Variants in NPY2R observed in about 807,000 individuals in gnomAD.
The protein encoded by NPY2R is neuropeptide Y receptor type 2.
NPY2R carries 17 observed loss-of-function variants against 22.3 expected under a neutral mutation model. That is an observed-to-expected ratio of 0.76 (90% CI 0.52 to 1.14). The LOEUF (loss-of-function observed/expected upper bound fraction) is 1.14, where lower values mean the gene tolerates loss of function less well. Among genes scored for constraint, NPY2R ranks in the 50% most tolerant of loss-of-function variants. NPY2R has a pLI of 0.00. For missense variants in NPY2R, 424 were observed against 467.9 expected (o/e 0.91, Z 0.87); for synonymous variants, 209 against 183.4 (o/e 1.14, Z -1.13).
At chr4:155,205,138 T>G (rs1318817158), upstream of NPY2R, among the ~76,000 whole-genome samples, 1 of 152,164 alleles carries the variant, frequency 6.6e-6, no homozygotes, top group Non-Finnish European at 1.5e-5. Flanking sequence ...CTCAATAAAA[T>G]TTAAAATTTC....
At chr4:155,201,989 T>C in the NPY2R span, among the ~76,000 whole-genome samples, 1 of 152,182 alleles carries the variant, frequency 6.6e-6, no homozygotes, top group Non-Finnish European at 1.5e-5. Context: ...CTTTAATTTA[T>C]CAATTAAATA....
At chr4:155,178,724 T>A in the NPY2R span, among the ~76,000 whole-genome samples, 71,126 of 151,600 alleles carry the variant, frequency 0.47, 17,311 homozygotes, top group East Asian at 0.69. Context: ...ATAAATAGAA[T>A]GCTTTATATT....
upstream of NPY2R, chr4:155,206,444 T>G (rs1051275054): frequency 6.6e-6 from 1 of 152,256 alleles, no homozygotes; most frequent in African/African-American, 2.4e-5. Context: ...TAGACTGTGA[T>G]GCACAAAAGT....
At chr4:155,210,159 C>G (rs550831939) in intron 1 of NPY2R, among the ~76,000 whole-genome samples, 13 of 152,260 alleles carry the variant, frequency 8.5e-5, no homozygotes, top group East Asian at 5.8e-4. Flanking sequence ...TTGATGGCAA[C>G]TTCCTCTGTG....
the NPY2R span, among the ~76,000 whole-genome samples, chr4:155,183,953 C>T: frequency 0.47 from 71,126 of 152,040 alleles, 17,361 homozygotes; most frequent in East Asian, 0.69. Context: ...CTGTAAGTTC[C>T]ATCCTTAGTA....
chr4:155,186,179 A>T, the NPY2R span, among the ~76,000 whole-genome samples: 1 of 152,214 alleles, frequency 6.6e-6, no homozygotes, highest in South Asian at 2.1e-4. Flanking sequence ...CAGTTAATTA[A>T]GAATCTTGGA....
chr4:155,200,185 C>G, the NPY2R span, among the ~76,000 whole-genome samples: 2 of 152,028 alleles, frequency 1.3e-5, no homozygotes, highest in Non-Finnish European at 2.9e-5. Flanking sequence ...AAGAAGTGGG[C>G]AAAGGATCTG....
In NPY2R at chr4:155,214,300, G is replaced by T. The variant is rs372447584; in HGVS notation, c.361G>T (p.Val121Phe). The change falls in exon 2 of 2, where the codon GTC becomes TTC. Residue 121 changes from valine to phenylalanine, a missense_variant. Coordinates refer to ENST00000329476, the MANE Select transcript of NPY2R (RefSeq NM_000910.4). Reference protein sequence around the residue: ...TLMGEWKMGPVLCHLVPYAQG... With the variant: ...TLMGEWKMGPFLCHLVPYAQG... ...AATGGGGGAGTGGAAAATGGGTCCT[G>T]TCCTGTGCCACCTGGTGCCCTATGC... 5.0e-6 allele frequency: 8 copies of T among 1,614,022 alleles called. No individual in the cohort carries two copies. Among genetic ancestry groups the T allele is most frequent in the Non-Finnish European group, 5.9e-6 (7 of 1,180,048 alleles).
At chr4:155,193,551 G>A in the NPY2R span, among the ~76,000 whole-genome samples, 1 of 151,856 alleles carries the variant, frequency 6.6e-6, no homozygotes, top group Admixed American at 6.6e-5. Flanking sequence ...ATGGTGGGGT[G>A]GATAACTTGT....
intron 1 of NPY2R, among the ~76,000 whole-genome samples, chr4:155,213,409 C>G (rs1207050972): frequency 6.6e-6 from 1 of 152,124 alleles, no homozygotes; most frequent in African/African-American, 2.4e-5. Flanking sequence ...AGGCACCAGA[C>G]AAATAGTTTT....
At position 155,214,417 on chromosome 4, in the gene NPY2R, A is replaced by G; in HGVS notation, c.478A>G (p.Ile160Val). The change falls in exon 2 of 2, where the codon ATC (isoleucine) becomes GTC (valine). Residue 160 changes from isoleucine (I) to valine (V), a missense_variant. Ile to Val is a conservative substitution (Grantham distance 29). Coordinates refer to ENST00000329476, the MANE Select transcript of NPY2R (RefSeq NM_000910.4). Reference sequence around the variant, plus strand: ...CATCGTCTACCACCTAGAGAGCAAGATCTCCAAGCGAATCAGCTTCCTGAT... The same window carrying G: ...CATCGTCTACCACCTAGAGAGCAAGGTCTCCAAGCGAATCAGCTTCCTGAT... ...RCIVYHLESK[I>V]SKRISFLIIG... The G allele has an allele frequency of 6.2e-7, 1 of 1,613,988 alleles. No individual in the cohort carries two copies. The highest frequency in any genetic ancestry group is 8.5e-7 in the Non-Finnish European group (1 of 1,179,994).
chr4:155,180,849 A>G, the NPY2R span, among the ~76,000 whole-genome samples: 3 of 151,420 alleles, frequency 2.0e-5, no homozygotes, highest in Non-Finnish European at 2.9e-5. Flanking sequence ...TTTAAAACAT[A>G]TTTATTTATT....
chr4:155,200,612 A>G, the NPY2R span, among the ~76,000 whole-genome samples: 2 of 152,196 alleles, frequency 1.3e-5, no homozygotes, highest in Non-Finnish European at 2.9e-5. Context: ...CCAAATGTCC[A>G]TGAATGATAG....
chr4:155,204,260 A>G (rs1729241677), upstream of NPY2R, among the ~76,000 whole-genome samples: 1 of 151,682 alleles, frequency 6.6e-6, no homozygotes, highest in Non-Finnish European at 1.5e-5. Context: ...GAAACCCTGG[A>G]ATCCAAAGAA....
chr4:155,174,486 T>TATATATATA, the NPY2R span, among the ~76,000 whole-genome samples: 2 of 68,676 alleles, frequency 2.9e-5, no homozygotes, highest in East Asian at 5.1e-4. Flanking sequence ...ATATATATAT[T>TATATATATA]TTTTTTTTTA....
chr4:155,174,484 A>ATATATATATATATATATATATATATTTTT, the NPY2R span, among the ~76,000 whole-genome samples: 58 of 106,012 alleles, frequency 5.5e-4, no homozygotes, highest in African/African-American at 2.4e-3. Flanking sequence ...ATATATATAT[A>ATATATATATATATATATATATATATTTTT]TTTTTTTTTT....
At chr4:155,191,707 A>G in the NPY2R span, among the ~76,000 whole-genome samples, 1 of 151,992 alleles carries the variant, frequency 6.6e-6, no homozygotes, top group East Asian at 1.9e-4. Context: ...CCTATGGAAC[A>G]TTAACCATGC....
chr4:155,179,918 T>C, the NPY2R span, among the ~76,000 whole-genome samples: 4 of 152,172 alleles, frequency 2.6e-5, no homozygotes, highest in African/African-American at 9.7e-5. Context: ...GATGAGATCA[T>C]AGTATTCATT....
rs1298205139 is a variant in NPY2R, at chr4:155,216,779, AT to A, written c.*1699del. On this transcript the variant is annotated 3_prime_UTR_variant, in exon 2 of 2. Transcript: ENST00000329476. The stretch of plus-strand genomic sequence containing the variant: ...TCTGTAATATATAATCAAATGATTC[AT>A]TTTTCTGTTAGACTAGGCAAATTGT... 6.0e-6 allele frequency: 1 copy of A among 166,978 alleles called. No individual in the cohort carries two copies. The highest frequency in any genetic ancestry group is 1.5e-5 in the Non-Finnish European group (1 of 68,072). 10.3% of individuals were successfully genotyped at this position (166,978 alleles called of 1,614,324 possible).
Sources: gnomAD v4.1 joint callset for allele counts (sites outside exome capture counted in the v4.1 genomes callset) on GRCh38, gnomAD v4.1.1 for gene constraint, MANE v1.5 for transcripts, NCBI Gene and HGNC (gene_info 2026-07-23, HGNC 2026-07-21) for gene names.